Variants in INTU observed in about 807,000 individuals in gnomAD.
INTU encodes the protein inturned planar cell polarity protein.
INTU carries 68 observed loss-of-function variants against 100.5 expected under a neutral mutation model. That is an observed-to-expected ratio of 0.68 (90% confidence interval 0.56 to 0.83). The LOEUF is 0.83. Among genes scored for constraint, INTU ranks in the 40% least tolerant of loss-of-function variants. INTU has a pLI of 0.00. For synonymous variants in INTU, 357 were observed against 395.7 expected (o/e 0.90, Z 1.16); for missense variants, 1,071 against 1,114.7 (o/e 0.96, Z 0.56).
At chr4:127,660,180 TGGA>T in intron 3 of INTU, among the ~76,000 whole-genome samples, 1 of 151,940 alleles carries the variant, frequency 6.6e-6, no homozygotes, top group South Asian at 2.1e-4. Flanking sequence ...TGACCGGGGA[TGGA>T]GGAGGAGATT....
chr4:127,698,462 CAA>C (rs767877808), intron 8 of INTU, among the ~76,000 whole-genome samples: 14 of 97,856 alleles, frequency 1.4e-4, no homozygotes, highest in East Asian at 3.0e-4. Flanking sequence ...CACTCTGTCT[CAA>C]AAAAAAAAAA....
At chr4:127,684,629 C>T (rs1377525839) in intron 7 of INTU, 143 bp downstream of exon 7, 5 of 533,830 alleles carry the variant, frequency 9.4e-6, no homozygotes, top group Admixed American at 7.7e-5. Context: ...CTCTTCCTTC[C>T]TCTTCCTCCT....
chr4:127,676,932 G>A (rs1038439085), intron 6 of INTU, among the ~76,000 whole-genome samples: 7 of 152,130 alleles, frequency 4.6e-5, no homozygotes, highest in Non-Finnish European at 7.3e-5. Context: ...AAAAAAAGGC[G>A]CACCAGGAGA....
chr4:127,634,299 T>C (rs961882428), intron 1 of INTU, among the ~76,000 whole-genome samples: 7 of 152,238 alleles, frequency 4.6e-5, no homozygotes, highest in African/African-American at 7.2e-5. Flanking sequence ...ATGAATTACA[T>C]AGAACCTTAT....
chr4:127,718,990 T>G lies in INTU; in HGVS notation c.*2554T>G, dbSNP rs772849513. On this transcript the variant is annotated 3_prime_UTR_variant, in exon 16 of 16. Coordinates refer to ENST00000335251, the MANE Select transcript of INTU (RefSeq NM_015693.4). Reference sequence around the variant, plus strand: ...ATACCCTTTATTTCTTTCTCTTGCCTGATTGCCCTGGCCAGGACTTCCAAT... The same window carrying G: ...ATACCCTTTATTTCTTTCTCTTGCCGGATTGCCCTGGCCAGGACTTCCAAT... 4 of 152,180 alleles carry G rather than the reference T, an allele frequency of 2.6e-5. No individual in the cohort carries two copies. Among genetic ancestry groups the G allele is most frequent in the Non-Finnish European group, 5.9e-5 (4 of 68,024 alleles). 9.4% of individuals were successfully genotyped at this position (152,180 alleles called of 1,614,324 possible).
intron 12 of INTU, 145 bp from the exon 13 acceptor site, chr4:127,708,426 A>C (rs1425421501): frequency 3.6e-6 from 2 of 559,490 alleles, no homozygotes; most frequent in East Asian, 6.3e-5. Flanking sequence ...ATAAGCCAAG[A>C]GGTACAAGTT....
intron 1 of INTU, among the ~76,000 whole-genome samples, chr4:127,636,147 A>C (rs75217047): frequency 6.6e-6 from 1 of 152,132 alleles, no homozygotes; most frequent in African/African-American, 2.4e-5. Flanking sequence ...GTATGTGCCT[A>C]TAGTCCTGCA....
At chr4:127,633,491 G>T (rs2126166999) in intron 1 of INTU, among the ~76,000 whole-genome samples, 1 of 152,238 alleles carries the variant, frequency 6.6e-6, no homozygotes, top group African/African-American at 2.4e-5. Flanking sequence ...CTGTAACAGC[G>T]TTCAAAAAAC....
intron 6 of INTU, among the ~76,000 whole-genome samples, chr4:127,679,980 A>G (rs575920119): frequency 1.5e-3 from 230 of 152,368 alleles, no homozygotes; most frequent in African/African-American, 5.3e-3. Flanking sequence ...AAACACCTCT[A>G]TGCAAATAAA....
At chr4:127,676,120 A>G (rs1165599771) in intron 6 of INTU, 1 of 167,788 alleles carries the variant, frequency 6.0e-6, no homozygotes, top group Non-Finnish European at 1.3e-5. Context: ...GTGGGGTTCA[A>G]ATCTTTTTAC....
chr4:127,665,136 G>A (rs1728639088), intron 4 of INTU, among the ~76,000 whole-genome samples: 2 of 150,416 alleles, frequency 1.3e-5, no homozygotes, highest in Non-Finnish European at 3.0e-5. Flanking sequence ...ATATTTTAGT[G>A]CTATCTCTTT....
intron 2 of INTU, among the ~76,000 whole-genome samples, chr4:127,646,660 G>C (rs1407361355): frequency 6.6e-6 from 1 of 152,132 alleles, no homozygotes; most frequent in Non-Finnish European, 1.5e-5. Flanking sequence ...ATATGGTTTA[G>C]ACAGGAAAGG....
intron 8 of INTU, 74 bp from the exon 9 acceptor site, chr4:127,699,936 T>C: frequency 9.1e-7 from 1 of 1,099,326 alleles, no homozygotes; most frequent in Non-Finnish European, 1.3e-6. Flanking sequence ...AAGCACTTTT[T>C]ATATGGCCAT....
At chr4:127,668,413 G>A (rs1728786059) in intron 4 of INTU, among the ~76,000 whole-genome samples, 1 of 151,770 alleles carries the variant, frequency 6.6e-6, no homozygotes, top group Non-Finnish European at 1.5e-5. Flanking sequence ...ATTCAGATTA[G>A]TTTGTGGTAT....
At chr4:127,649,657 A>G (rs1727747700) in intron 2 of INTU, among the ~76,000 whole-genome samples, 1 of 152,084 alleles carries the variant, frequency 6.6e-6, no homozygotes, top group Admixed American at 6.6e-5. Context: ...TTGGATTTTC[A>G]ATTTTTGGAT....
chr4:127,663,341 C>T (rs756227798), intron 3 of INTU, 40 bp from the exon 4 acceptor site: 2 of 1,480,092 alleles, frequency 1.4e-6, no homozygotes, highest in Non-Finnish European at 1.9e-6. Context: ...AGCTGATTTT[C>T]CCTTGTCGAA....
At chr4:127,687,963 A>C (rs1253856138) in intron 8 of INTU, 96 bp downstream of exon 8, 8 of 885,462 alleles carry the variant, frequency 9.0e-6, no homozygotes, top group Non-Finnish European at 1.3e-5. Context: ...TATTTTTGGA[A>C]TTATGGTTAA....
chr4:127,708,553 C>T lies in INTU; in HGVS notation c.2272-18C>T. 2.2e-6 allele frequency: 3 copies of T among 1,346,662 alleles called. No individual in the cohort carries two copies. Among genetic ancestry groups the T allele is most frequent in the Non-Finnish European group, 2.1e-6 (2 of 949,526 alleles). The allele number at this position is 1,346,662 out of a possible 1,614,324, so 83.4% of individuals were successfully genotyped here. A position where few individuals can be genotyped will look rare whatever the true frequency, so the allele number is the denominator to read the frequency against. ...CCATTCTTAGATATAAACTGATCTACTTAACTATATTTTTCAGGTCACTAA... is the reference window on the plus strand; with the variant it reads ...CCATTCTTAGATATAAACTGATCTATTTAACTATATTTTTCAGGTCACTAA... On this transcript the variant is annotated intron_variant, in intron 12 of 15. Transcript: ENST00000335251.
At position 127,724,807 on chromosome 4, in the gene INTU, TG is replaced by T. The variant is rs1199642504; in HGVS notation, c.*8374del. On this transcript the variant is annotated 3_prime_UTR_variant, in exon 16 of 16. Transcript: ENST00000335251. ...TTAGTCAAAACTAACTGCAAAACAC[TG>T]GGTGTACCATTTGAGTCATTTGGTC... The T allele has an allele frequency of 3.3e-5, 5 of 152,308 alleles. No homozygotes were observed. The South Asian group carries it at 1.0e-3, about 32-fold the overall frequency. The allele number at this position is 152,308 out of a possible 1,614,324, so 9.4% of individuals were successfully genotyped here.
Sources: gnomAD v4.1 joint callset for allele counts (sites outside exome capture counted in the v4.1 genomes callset) on GRCh38, gnomAD v4.1.1 for gene constraint, MANE v1.5 for transcripts, NCBI Gene and HGNC (gene_info 2026-07-23, HGNC 2026-07-21) for gene names.